The following OGFOD3 variants were observed in gnomAD, a reference collection of about 807,000 sequenced individuals.
OGFOD3 encodes the protein 2-oxoglutarate and iron-dependent oxygenase domain-containing protein 3.
Under a neutral mutation model 39.8 loss-of-function variants are expected in OGFOD3, and 35 were observed. The observed-to-expected ratio is 0.88, with a 90% CI of 0.67 to 1.17. OGFOD3 has a LOEUF of 1.17. Ranked by LOEUF, OGFOD3 falls within the 50% of genes most tolerant of loss-of-function variation. OGFOD3 has a pLI of 0.00. For synonymous variants in OGFOD3, 200 were observed against 192.0 expected, an observed-to-expected ratio of 1.04 and a Z score of -0.34; for missense variants, 438 against 454.5, an observed-to-expected ratio of 0.96 and a Z score of 0.33.
chr17:82,392,067 C>T lies in OGFOD3; in HGVS notation c.*331G>A, dbSNP rs1393104267. 4 of 327,802 alleles carry T rather than the reference C, an allele frequency of 1.2e-5. No homozygotes were observed. The highest frequency in any genetic ancestry group is 2.3e-5 in the Non-Finnish European group (4 of 177,704). The allele number at this position is 327,802 out of a possible 1,614,324, so 20.3% of individuals were successfully genotyped here. On this transcript the variant is annotated 3_prime_UTR_variant, in exon 9 of 9. Transcript: ENST00000313056. The surrounding 1 kb of genome is among the most constrained non-coding windows in gnomAD (Gnocchi z 4.2). ...TTGATGGGCCGGGGGGTTGCTGAAC[C>T]TGGACGAGTCCCGGGGGGTTGCTGA...
At chr17:82,412,292 A>T (rs997262924) in intron 2 of OGFOD3, among the ~76,000 whole-genome samples, 1 of 151,250 alleles carries the variant, frequency 6.6e-6, no homozygotes, top group African/African-American at 2.4e-5. Flanking sequence ...GGGCAGGGGC[A>T]GGGTCGTTGG....
intron 3 of OGFOD3, among the ~76,000 whole-genome samples, chr17:82,410,089 T>C (rs977198257): frequency 6.6e-5 from 10 of 152,228 alleles, no homozygotes; most frequent in Non-Finnish European, 1.5e-5. Flanking sequence ...GCTCAGGAGA[T>C]AGGGGCCCTG....
At chr17:82,402,012 T>C (rs551019110) in intron 7 of OGFOD3, among the ~76,000 whole-genome samples, 1 of 152,176 alleles carries the variant, frequency 6.6e-6, no homozygotes, top group South Asian at 2.1e-4. Flanking sequence ...CACAGTGCCA[T>C]TCAACCACTT....
At chr17:82,418,390 C>G in intron 1 of OGFOD3, 22 bp downstream of exon 1, 7 of 1,466,508 alleles carry the variant, frequency 4.8e-6, no homozygotes, top group Non-Finnish European at 6.3e-6. Context: ...GCAGCGCGCG[C>G]CCTTCCCCTC....
intron 7 of OGFOD3, among the ~76,000 whole-genome samples, chr17:82,399,454 T>C (rs1306933201): frequency 6.6e-6 from 1 of 152,214 alleles, no homozygotes; most frequent in Admixed American, 6.5e-5. Flanking sequence ...TTAAAACTTG[T>C]AATAAAATGC....
rs773223114 is a variant in OGFOD3, at chr17:82,392,348, C to T, written c.*50G>A. 2.3e-5 allele frequency: 37 copies of T among 1,582,372 alleles called. No individual in the cohort carries two copies. Among genetic ancestry groups the T allele is most frequent in the Middle Eastern group, 2.2e-4 (1 of 4,534 alleles). The stretch of plus-strand genomic sequence containing the variant: ...CGTGGGGGTGGGTGCACGACTGGCG[C>T]GGCTGCCTCCACACGGGCCCTCCTG... On this transcript the variant is annotated 3_prime_UTR_variant, in exon 9 of 9. Coordinates refer to ENST00000313056, the MANE Select transcript of OGFOD3 (RefSeq NM_024648.3). This position sits in a 1 kb window ranked among gnomAD's most constrained non-coding sequence, Gnocchi z 4.2.
In OGFOD3 at chr17:82,414,617, C is replaced by A. The variant is rs537280356; in HGVS notation, c.304+781G>T. Among the ~76,000 whole-genome samples, 11 of 152,314 alleles carry A rather than the reference C, an allele frequency of 7.2e-5. No individual in the cohort carries two copies. In the South Asian group the frequency reaches 2.1e-3, roughly 29 times the overall value. ...CACGTTCATTTTCTTGACTCCGAGG[C>A]GGTCCCGTCCCTCCCTGCGGCGCGG... On this transcript the variant is annotated intron_variant, in intron 2 of 8. Transcript: ENST00000313056.
At chr17:82,418,222 C>G (rs530349859) in intron 1 of OGFOD3, 190 bp downstream of exon 1, 4 of 435,852 alleles carry the variant, frequency 9.2e-6, no homozygotes, top group African/African-American at 6.2e-5. Context: ...ACCGCGGCTC[C>G]CGCCCGCACC....
intron 7 of OGFOD3, among the ~76,000 whole-genome samples, chr17:82,402,320 A>G (rs1187019644): frequency 6.6e-6 from 1 of 152,038 alleles, no homozygotes; most frequent in Non-Finnish European, 1.5e-5. Flanking sequence ...CTGTAGTCCC[A>G]GCTACTTGGG....
rs920931178 is a variant in OGFOD3 at position 82,392,004 on chromosome 17, C to T, written c.*394G>A. 1.6e-5 allele frequency: 3 copies of T among 190,992 alleles called. No homozygotes were observed. The highest frequency in any genetic ancestry group is 5.7e-5 in the Admixed American group (1 of 17,586). The allele number at this position is 190,992 out of a possible 1,614,324, so 11.8% of individuals were successfully genotyped here. A position where few individuals can be genotyped will look rare whatever the true frequency, so the allele number is the denominator to read the frequency against. ...CCCCGAACAGAAGCTGCTGGCCCCA[C>T]GTTTGTCCCCATTTATGGCTGATGC... On this transcript the variant is annotated 3_prime_UTR_variant, in exon 9 of 9. Coordinates refer to ENST00000313056, the MANE Select transcript of OGFOD3 (RefSeq NM_024648.3). This position sits in a 1 kb window ranked among gnomAD's most constrained non-coding sequence, Gnocchi z 4.2.
intron 3 of OGFOD3, among the ~76,000 whole-genome samples, chr17:82,410,147 G>C (rs938369250): frequency 6.6e-6 from 1 of 152,242 alleles, no homozygotes; most frequent in African/African-American, 2.4e-5. Context: ...CTGGACCACA[G>C]AGGACCACCC....
chr17:82,394,528 C>A (rs373893804), intron 8 of OGFOD3: 1 of 1,610,980 alleles, frequency 6.2e-7, no homozygotes. Flanking sequence ...AGACATCATC[C>A]GGAAACAAAA....
chr17:82,418,238 T>A (rs2053108079), intron 1 of OGFOD3, 174 bp downstream of exon 1: 27 of 380,284 alleles, frequency 7.1e-5, no homozygotes, highest in East Asian at 2.8e-4. Flanking sequence ...GCACCTGCCC[T>A]GCTCCCAGCA....
At chr17:82,403,783 T>G in intron 7 of OGFOD3, 154 bp downstream of exon 7, 39 of 747,640 alleles carry the variant, frequency 5.2e-5, no homozygotes, top group Non-Finnish European at 7.9e-5. Flanking sequence ...CCCACGTGCG[T>G]ACTCACCCTG....
intron 1 of OGFOD3, 73 bp downstream of exon 1, chr17:82,418,339 T>C (rs1256255860): frequency 1.4e-5 from 6 of 422,182 alleles, no homozygotes; most frequent in Non-Finnish European, 1.8e-5. Flanking sequence ...CCCCGCCCCA[T>C]CAGCCCCAGT....
At position 82,415,686 on chromosome 17, in the gene OGFOD3, C is replaced by T; in HGVS notation, c.75-59G>A. On this transcript the variant is annotated intron_variant, in intron 1 of 8. Coordinates refer to ENST00000313056, the MANE Select transcript of OGFOD3 (RefSeq NM_024648.3). This position sits in a 1 kb window ranked among gnomAD's most constrained non-coding sequence, Gnocchi z 5.3. ...ACGGAGTGAGGCCAGAGAAAACGCTCCCCGATCATCAAAGTGCATGCACCA... is the reference window on the plus strand; with the variant it reads ...ACGGAGTGAGGCCAGAGAAAACGCTTCCCGATCATCAAAGTGCATGCACCA... 7.0e-7 allele frequency: 1 copy of T among 1,433,508 alleles called. No homozygotes were observed. The allele number at this position is 1,433,508 out of a possible 1,614,324, so 88.8% of individuals were successfully genotyped here.
intron 7 of OGFOD3, among the ~76,000 whole-genome samples, chr17:82,401,549 C>A (rs1244209747): frequency 1.3e-5 from 2 of 151,788 alleles, no homozygotes; most frequent in Non-Finnish European, 2.9e-5. Flanking sequence ...TGAAACTGCA[C>A]AGAGTGCACT....
rs920213604 is a variant in OGFOD3, at chr17:82,390,795, C to G, written c.*1603G>C. 22 of 138,352 alleles carry G rather than the reference C, an allele frequency of 1.6e-4. No homozygotes were observed. Among genetic ancestry groups the G allele is most frequent in the Admixed American group, 1.6e-3 (21 of 13,338 alleles). 8.6% of individuals were successfully genotyped at this position (138,352 alleles called of 1,614,324 possible). Reference sequence around the variant, plus strand: ...GGTCACCATGCCTCAGCTGGCCTCACGCCCGCTCCTTCCCAGGGGTCACCA... The same window carrying G: ...GGTCACCATGCCTCAGCTGGCCTCAGGCCCGCTCCTTCCCAGGGGTCACCA... On this transcript the variant is annotated 3_prime_UTR_variant, in exon 9 of 9. Coordinates refer to ENST00000313056, the MANE Select transcript of OGFOD3 (RefSeq NM_024648.3). This position sits in a 1 kb window ranked among gnomAD's most constrained non-coding sequence, Gnocchi z 4.9.
intron 7 of OGFOD3, among the ~76,000 whole-genome samples, chr17:82,403,624 C>G (rs924317107): frequency 8.5e-5 from 13 of 152,320 alleles, no homozygotes; most frequent in Admixed American, 7.8e-4. Flanking sequence ...GAGCGAGACT[C>G]TGTCTCAACC....
Sources: gnomAD v4.1 joint callset for allele counts (sites outside exome capture counted in the v4.1 genomes callset) on GRCh38, gnomAD v4.1.1 for gene constraint, Gnocchi (gnomAD v3.1) non-coding constraint, MANE v1.5 for transcripts, NCBI Gene and HGNC (gene_info 2026-07-23, HGNC 2026-07-21) for gene names.